Variants in FGF14 observed in about 807,000 individuals in gnomAD.
The protein encoded by FGF14 is fibroblast growth factor 14.
A neutral mutation model predicts 25.5 loss-of-function variants in FGF14; 5 were observed. That is an observed-to-expected ratio of 0.20 (90% CI 0.10 to 0.41). The LOEUF is 0.41. Among genes scored for constraint, FGF14 ranks in the 10% least tolerant of loss-of-function variants. FGF14 has a pLI of 1.00. For synonymous variants in FGF14, 138 were observed against 118.3 expected (o/e 1.17, Z -1.08); for missense variants, 222 against 320.1 (o/e 0.69, Z 2.34).
At chr13:102,156,632 T>C (rs1372408259) in intron 1 of FGF14, among the ~76,000 whole-genome samples, 1 of 152,200 alleles carries the variant, frequency 6.6e-6, no homozygotes, top group African/African-American at 2.4e-5. Flanking sequence ...ACCACTCCTA[T>C]TCAACATAGT....
chr13:102,001,769 A>G (rs547649378), intron 1 of FGF14, among the ~76,000 whole-genome samples: 1 of 152,350 alleles, frequency 6.6e-6, no homozygotes, highest in East Asian at 1.9e-4. Flanking sequence ...TAACTTAGAA[A>G]CCAATGGATT....
intron 4 of FGF14, 149 bp from the exon 5 acceptor site, chr13:101,723,116 T>C (rs2035108689): frequency 1.1e-6 from 1 of 911,678 alleles, no homozygotes; most frequent in African/African-American, 1.6e-5. Flanking sequence ...ATTCCTGTTG[T>C]AAAGCAATCA....
intron 3 of FGF14, among the ~76,000 whole-genome samples, chr13:101,853,741 C>A (rs1413206292): frequency 2.0e-5 from 3 of 152,044 alleles, no homozygotes; most frequent in Non-Finnish European, 4.4e-5. Flanking sequence ...CAGGTGTGAG[C>A]CACCATGCAT....
At chr13:102,011,192 C>T (rs1242556231) in intron 1 of FGF14, among the ~76,000 whole-genome samples, 2 of 152,116 alleles carry the variant, frequency 1.3e-5, no homozygotes, top group Non-Finnish European at 2.9e-5. Context: ...TATTAATTGC[C>T]TTCTTTACTA....
intron 1 of FGF14, among the ~76,000 whole-genome samples, chr13:102,132,790 G>A (rs2046257168): frequency 6.6e-6 from 1 of 151,992 alleles, no homozygotes; most frequent in East Asian, 1.9e-4. Flanking sequence ...CAAAGTTCTG[G>A]GATTACAGCT....
chr13:102,168,944 A>G (rs908370000), intron 1 of FGF14, among the ~76,000 whole-genome samples: 1 of 152,000 alleles, frequency 6.6e-6, no homozygotes, highest in Admixed American at 6.6e-5. Flanking sequence ...TCATGGAGAA[A>G]ATAACATGGA....
intron 1 of FGF14, among the ~76,000 whole-genome samples, chr13:102,201,612 C>T (rs2049654895): frequency 6.6e-6 from 1 of 152,118 alleles, no homozygotes. Context: ...TTAGAGGATG[C>T]AAAACCTTAG....
chr13:102,261,645 T>C (rs1173164263), intron 1 of FGF14, among the ~76,000 whole-genome samples: 1 of 152,216 alleles, frequency 6.6e-6, no homozygotes, highest in Admixed American at 6.5e-5. Flanking sequence ...GCTTTTAGTG[T>C]CCAATATCTT....
intron 1 of FGF14, among the ~76,000 whole-genome samples, chr13:102,037,800 C>T (rs530114247): frequency 1.3e-5 from 2 of 152,246 alleles, no homozygotes; most frequent in South Asian, 2.1e-4. Context: ...GTAATGGATT[C>T]CTGTCCTCAG....
intron 1 of FGF14, among the ~76,000 whole-genome samples, chr13:102,024,125 A>AT (rs1301717056): frequency 6.6e-6 from 1 of 152,026 alleles, no homozygotes; most frequent in Non-Finnish European, 1.5e-5. Flanking sequence ...TTTTTAAAAA[A>AT]TTTTCTTAGG....
chr13:102,106,346 G>T (rs995864892), intron 1 of FGF14, among the ~76,000 whole-genome samples: 1 of 152,090 alleles, frequency 6.6e-6, no homozygotes, highest in African/African-American at 2.4e-5. Flanking sequence ...CGAGGTGGGT[G>T]AATCACTTGA....
intron 1 of FGF14, among the ~76,000 whole-genome samples, chr13:101,955,430 G>A (rs2036455322): frequency 6.6e-6 from 1 of 152,152 alleles, no homozygotes. Flanking sequence ...AAAGTACAAA[G>A]GGACACAATT....
intron 3 of FGF14, among the ~76,000 whole-genome samples, chr13:101,735,883 A>C (rs2036153799): frequency 1.3e-5 from 2 of 152,222 alleles, no homozygotes; most frequent in African/African-American, 4.8e-5. Flanking sequence ...AAAATGTAAA[A>C]TGGATACTGC....
chr13:102,279,900 T>G (rs2053743820), intron 1 of FGF14, among the ~76,000 whole-genome samples: 1 of 152,200 alleles, frequency 6.6e-6, no homozygotes, highest in Non-Finnish European at 1.5e-5. Context: ...GCCTTCCAAG[T>G]CTTCTCCCTA....
intron 1 of FGF14, among the ~76,000 whole-genome samples, chr13:102,337,733 T>A (rs2056828629): frequency 6.6e-6 from 1 of 152,098 alleles, no homozygotes. Flanking sequence ...CACCCCAAAC[T>A]TGAGCAACGA....
intron 3 of FGF14, among the ~76,000 whole-genome samples, chr13:101,774,323 T>G (rs1258875156): frequency 6.6e-6 from 1 of 152,120 alleles, no homozygotes; most frequent in Non-Finnish European, 1.5e-5. Context: ...ATATTAATAA[T>G]TAGAATGTAT....
chr13:102,253,836 CAAAT>C (rs1387901294), intron 1 of FGF14, among the ~76,000 whole-genome samples: 1 of 152,128 alleles, frequency 6.6e-6, no homozygotes, highest in Non-Finnish European at 1.5e-5. Context: ...ACTGTATAAA[CAAAT>C]AAACTTTAAA....
chr13:102,082,581 C>A (rs2043676923), intron 1 of FGF14, among the ~76,000 whole-genome samples: 1 of 152,144 alleles, frequency 6.6e-6, no homozygotes, highest in Non-Finnish European at 1.5e-5. Flanking sequence ...GGCCAACACT[C>A]GGCATGAAAA....
intron 3 of FGF14, among the ~76,000 whole-genome samples, chr13:101,762,594 G>T (rs2038100801): frequency 6.6e-6 from 1 of 152,150 alleles, no homozygotes; most frequent in Admixed American, 6.5e-5. Flanking sequence ...TATGTAACGT[G>T]GGTCAAGAAA....
Sources: allele counts gnomAD v4.1 joint callset (sites outside exome capture counted in the v4.1 genomes callset), GRCh38; gene constraint gnomAD v4.1.1; transcripts MANE v1.5; gene names NCBI Gene and HGNC (gene_info 2026-07-23, HGNC 2026-07-21).